MUSK: variants seen among roughly 807,000 people sequenced by gnomAD.
MUSK encodes muscle associated receptor tyrosine kinase, also known as muscle, skeletal receptor tyrosine-protein kinase.
In MUSK, 55 loss-of-function variants were observed where a neutral mutation model predicts 88.7. The observed-to-expected ratio is 0.62, with a 90% CI of 0.50 to 0.78. The LOEUF is 0.78. MUSK is among the 30% of genes least tolerant of loss of function. The pLI is 0.00. For synonymous variants in MUSK, 387 were observed against 391.9 expected, an observed-to-expected ratio of 0.99 and a Z score of 0.15; for missense variants, 1,015 against 1,074.3, an observed-to-expected ratio of 0.94 and a Z score of 0.77.
At chr9:110,770,459 A>G (rs1445603749) in intron 9 of MUSK, among the ~76,000 whole-genome samples, 1 of 146,678 alleles carries the variant, frequency 6.8e-6, no homozygotes, top group East Asian at 1.9e-4. Flanking sequence ...TAATTATATA[A>G]CATATAATTA....
intron 5 of MUSK, among the ~76,000 whole-genome samples, chr9:110,700,412 T>C (rs747295637): frequency 6.6e-6 from 1 of 152,036 alleles, no homozygotes; most frequent in Non-Finnish European, 1.5e-5. Flanking sequence ...CTGTGTGACA[T>C]TGTCAAGAGA....
chr9:110,721,021 AT>A (rs2076804081), intron 5 of MUSK, among the ~76,000 whole-genome samples: 1 of 152,158 alleles, frequency 6.6e-6, no homozygotes, highest in African/African-American at 2.4e-5. Flanking sequence ...CAGAAAAAGC[AT>A]TTGACAAAAT....
chr9:110,681,029 T>TATAATATAATATATAATATAA (rs1564209366), intron 1 of MUSK, among the ~76,000 whole-genome samples: 1 of 10,824 alleles, frequency 9.2e-5, no homozygotes, highest in African/African-American at 7.9e-4. Flanking sequence ...ATATTATATA[T>TATAATATAATATATAATATAA]TATATATTAT....
Position 110,774,866 on chromosome 9 carries a change from T to TATATAC in MUSK, c.1185-921_1185-920insTATACA, listed in dbSNP as rs371440047. On this transcript the variant is annotated intron_variant, in intron 9 of 14. Coordinates refer to ENST00000374448, the MANE Select transcript of MUSK (RefSeq NM_005592.4). Reference sequence around the variant, plus strand: ...AAAAGACACCATTGTGGCATATATATACACACACACACACACACACACACA... The same window carrying TATATAC: ...AAAAGACACCATTGTGGCATATATATATATACACACACACACACACACACACACACA... Among the ~76,000 whole-genome samples, 6 of 139,044 alleles carry TATATAC rather than the reference T, an allele frequency of 4.3e-5. No homozygotes were observed. In the East Asian group the frequency reaches 1.1e-3, roughly 24 times the overall value. The allele number at this position is 139,044 out of a possible 152,430, so 91.2% of individuals were successfully genotyped here.
At chr9:110,760,374 G>A (rs1473908921) in intron 7 of MUSK, among the ~76,000 whole-genome samples, 3 of 152,248 alleles carry the variant, frequency 2.0e-5, no homozygotes, top group South Asian at 2.1e-4. Flanking sequence ...GGAATACTAC[G>A]TGGTCATAAA....
chr9:110,782,496 G>C (rs2077777379), intron 11 of MUSK, among the ~76,000 whole-genome samples: 1 of 152,058 alleles, frequency 6.6e-6, no homozygotes. Flanking sequence ...TCTACTTTCT[G>C]ATTCTTTTTA....
At chr9:110,786,157 A>C (rs942039175) in intron 13 of MUSK, among the ~76,000 whole-genome samples, 9 of 151,412 alleles carry the variant, frequency 5.9e-5, no homozygotes, top group African/African-American at 2.2e-4. Context: ...CTAAAAATAC[A>C]AAATTGAGCC....
At chr9:110,701,912 T>G (rs533300716) in intron 5 of MUSK, among the ~76,000 whole-genome samples, 1 of 132,528 alleles carries the variant, frequency 7.5e-6, no homozygotes, top group Admixed American at 8.8e-5. Context: ...TTATTTTATT[T>G]TATTTTATTT....
chr9:110,701,376 G>A (rs1471362862), intron 5 of MUSK, among the ~76,000 whole-genome samples: 1 of 152,176 alleles, frequency 6.6e-6, no homozygotes, highest in Admixed American at 6.5e-5. Flanking sequence ...ATAGGGCAAA[G>A]GATTTGAGAC....
chr9:110,669,808 GA>G lies in MUSK; in HGVS notation c.79+826del, dbSNP rs1278220933. On this transcript the variant is annotated intron_variant, in intron 1 of 14. Transcript: ENST00000374448. The stretch of plus-strand genomic sequence containing the variant: ...TATCACTGAAATCTTTTTTTAAAAA[GA>G]CATGAGAAAGCAGATCGAGTGGTAT... Among the ~76,000 whole-genome samples the G allele has an allele frequency of 2.6e-5, 4 of 152,142 alleles. No homozygotes were observed. In the East Asian group the frequency reaches 7.7e-4, roughly 29 times the overall value.
At chr9:110,734,505 C>A in intron 6 of MUSK, 130 bp downstream of exon 6, 3 of 1,179,338 alleles carry the variant, frequency 2.5e-6, no homozygotes, top group Non-Finnish European at 3.6e-6. Flanking sequence ...CAAAGCCTCC[C>A]AATATCTTTG....
At chr9:110,788,684 T>C (rs962783308) in intron 14 of MUSK, among the ~76,000 whole-genome samples, 1 of 143,030 alleles carries the variant, frequency 7.0e-6, no homozygotes, top group African/African-American at 2.8e-5. Flanking sequence ...ACATTCACTC[T>C]ATATGAGGAG....
At chr9:110,695,251 G>A (rs1284573279) in intron 3 of MUSK, among the ~76,000 whole-genome samples, 152 bp from the exon 4 acceptor site, 3 of 152,120 alleles carry the variant, frequency 2.0e-5, no homozygotes, top group African/African-American at 7.2e-5. Flanking sequence ...GATCTACTGA[G>A]GAAAACTGTC....
intron 3 of MUSK, among the ~76,000 whole-genome samples, chr9:110,690,017 A>G (rs1564218867): frequency 1.1e-5 from 1 of 93,748 alleles, no homozygotes; most frequent in African/African-American, 4.6e-5. Context: ...ATAAATATAT[A>G]ATATATATTA....
rs759676246 is a variant in MUSK, at chr9:110,800,890, T to A, written c.2512T>A (p.Cys838Ser). 15 of 1,563,222 alleles carry A rather than the reference T, an allele frequency of 9.6e-6. 1 individual carries two copies. The highest frequency in any genetic ancestry group is 1.7e-4 in the Middle Eastern group (1 of 5,816). ...GGAGCTGTACAATCTCATGCGTCTA[T>A]GTTGGAGCAAGCTGCCTGCAGACAG... ...PVELYNLMRL[C>S]WSKLPADRPS... Residue 838 changes from cysteine to serine, a missense_variant, in exon 15 of 15, where the codon TGT (cysteine) becomes AGT (serine). Physicochemically the swap from Cys to Ser is moderately radical, Grantham distance 112 (BLOSUM62 -1). Transcript: ENST00000374448.
At chr9:110,706,857 AGCCGGGCATGGTGGT>A (rs902914763) in intron 5 of MUSK, among the ~76,000 whole-genome samples, 2 of 152,080 alleles carry the variant, frequency 1.3e-5, no homozygotes. Flanking sequence ...TACAAAAATT[AGCCGGGCATGGTGGT>A]GCACACCTGT....
At chr9:110,768,965 GA>G (rs561678718) in intron 9 of MUSK, among the ~76,000 whole-genome samples, 81 of 151,764 alleles carry the variant, frequency 5.3e-4, no homozygotes, top group African/African-American at 1.8e-3. Context: ...TTCTTATGTA[GA>G]AAAAAAAGAA....
intron 9 of MUSK, 49 bp from the exon 10 acceptor site, chr9:110,775,739 T>G: frequency 6.4e-7 from 1 of 1,572,314 alleles, no homozygotes; most frequent in Non-Finnish European, 8.8e-7. Flanking sequence ...ACAAATTTGC[T>G]TTAACATGTA....
chr9:110,673,044 A>G (rs373340709), intron 1 of MUSK, among the ~76,000 whole-genome samples: 5 of 152,322 alleles, frequency 3.3e-5, no homozygotes, highest in African/African-American at 1.2e-4. Context: ...TAGTAGAATG[A>G]AAGTAAACAA....
Sources: gnomAD v4.1 joint callset for allele counts (sites outside exome capture counted in the v4.1 genomes callset) on GRCh38, gnomAD v4.1.1 for gene constraint, MANE v1.5 for transcripts, NCBI Gene and HGNC (gene_info 2026-07-23, HGNC 2026-07-21) for gene names.